MLLT1: variants seen among roughly 807,000 people sequenced by gnomAD.
MLLT1 encodes protein ENL.
A neutral mutation model predicts 55.1 loss-of-function variants in MLLT1; 11 were observed. The observed-to-expected ratio is 0.20, with a 90% CI of 0.13 to 0.33. The LOEUF (loss-of-function observed/expected upper bound fraction) is 0.33. Among genes scored for constraint, MLLT1 ranks in the 10% least tolerant of loss-of-function variants. MLLT1 has a pLI of 1.00. For synonymous variants in MLLT1, 323 were observed against 320.1 expected, an observed-to-expected ratio of 1.01 and a Z score of -0.10; for missense variants, 536 against 760.6, an observed-to-expected ratio of 0.70 and a Z score of 3.47.
intron 3 of MLLT1, among the ~76,000 whole-genome samples, chr19:6,261,672 G>C (rs953682076): frequency 2.7e-5 from 4 of 149,180 alleles, no homozygotes; most frequent in Non-Finnish European, 5.9e-5. Flanking sequence ...AAAAACTACA[G>C]ATGAAAGAAA....
chr19:6,214,484 T>A lies in MLLT1; in HGVS notation c.1308-446A>T, dbSNP rs546302658. On this transcript the variant is annotated intron_variant, in intron 8 of 11. Transcript: ENST00000252674. ...CTGGCCGCCTGACCCTGGTTTGCTC[T>A]GGACAGCAGGCCTCCATCAGTCACA... Among the ~76,000 whole-genome samples the A allele has an allele frequency of 2.8e-4, 42 of 152,318 alleles. 1 individual carries two copies. The South Asian group carries it at 4.8e-3, about 17-fold the overall frequency.
chr19:6,218,717 G>T (rs1336023905), intron 6 of MLLT1, among the ~76,000 whole-genome samples: 1 of 152,248 alleles, frequency 6.6e-6, no homozygotes, highest in Non-Finnish European at 1.5e-5. Context: ...CAGGACAGAG[G>T]GTGACAGTGC....
chr19:6,255,486 G>C (rs538286013), intron 3 of MLLT1, among the ~76,000 whole-genome samples: 1 of 152,148 alleles, frequency 6.6e-6, no homozygotes, highest in Non-Finnish European at 1.5e-5. Flanking sequence ...GACAGACTCT[G>C]TCTCAAAACA....
rs997845581 is a variant in MLLT1, at chr19:6,253,138, A to G, written c.276+9090T>C. On this transcript the variant is annotated intron_variant, in intron 3 of 11. Coordinates refer to ENST00000252674, the MANE Select transcript of MLLT1 (RefSeq NM_005934.4). Reference sequence around the variant, plus strand: ...AAAATTAGCCAGGTATGGTGGGCACACCCGTAGTCCCAGCTACTCGGGAGG... The same window carrying G: ...AAAATTAGCCAGGTATGGTGGGCACGCCCGTAGTCCCAGCTACTCGGGAGG... 1.3e-4 allele frequency among the ~76,000 whole-genome samples: 19 copies of G among 151,530 alleles called. 1 individual carries two copies. In the East Asian group the frequency reaches 3.7e-3, roughly 29 times the overall value.
In MLLT1 at chr19:6,213,421, G is replaced by T; in HGVS notation, c.1480-13C>A. On this transcript the variant is annotated splice_polypyrimidine_tract_variant and intron_variant, in intron 10 of 11. Coordinates refer to ENST00000252674, the MANE Select transcript of MLLT1 (RefSeq NM_005934.4). ...CATCCGTGTAGGCCTGGGGAGGGGG[G>T]GCAGGTCTCAGCAGCGTGTGGGGGC... 6.2e-7 allele frequency: 1 copy of T among 1,608,852 alleles called. No homozygotes were observed.
At chr19:6,259,876 A>G (rs1447279023) in intron 3 of MLLT1, 4 of 151,806 alleles carry the variant, frequency 2.6e-5, no homozygotes, top group Non-Finnish European at 5.9e-5. Flanking sequence ...CTGAGATTTG[A>G]AAAACCTGCT....
intron 1 of MLLT1, among the ~76,000 whole-genome samples, chr19:6,271,209 T>C (rs567063598): frequency 2.0e-5 from 3 of 152,206 alleles, no homozygotes; most frequent in South Asian, 4.2e-4. Context: ...CATCACTCTA[T>C]CATAGAGGAT....
chr19:6,263,769 G>A (rs563352678), intron 2 of MLLT1, among the ~76,000 whole-genome samples: 26 of 152,334 alleles, frequency 1.7e-4, no homozygotes, highest in Admixed American at 1.5e-3. Context: ...GAAGTCGGAC[G>A]AGGACACGAT....
At chr19:6,216,898 G>C in intron 7 of MLLT1, 1 of 218,426 alleles carries the variant, frequency 4.6e-6, no homozygotes, top group South Asian at 6.7e-5. Context: ...GCCTGGCTGG[G>C]AAGCTGGGCC....
At chr19:6,237,508 A>G (rs1568284009) in intron 3 of MLLT1, among the ~76,000 whole-genome samples, 1 of 151,870 alleles carries the variant, frequency 6.6e-6, no homozygotes, top group Non-Finnish European at 1.5e-5. Flanking sequence ...CTGTAATCCC[A>G]TCACTTTGGG....
chr19:6,279,822 TCGC>T lies in MLLT1; in HGVS notation c.-41_-39del, dbSNP rs898522554. On this transcript the variant is annotated 5_prime_UTR_variant, in exon 1 of 12. Transcript: ENST00000252674. Reference sequence around the variant, plus strand: ...GCCCCGCCCCCGGGCCCCGCGTCGCTCGCCGCCGCCGCCGCCGCCGCCGCCGCT... The same window carrying T: ...GCCCCGCCCCCGGGCCCCGCGTCGCTCGCCGCCGCCGCCGCCGCCGCCGCT... 8.4e-3 allele frequency: 1,243 copies of T among 148,132 alleles called. 11 individuals carry two copies. The highest frequency in any genetic ancestry group is 0.027 in the African/African-American group (1,071 of 39,624). 9.2% of individuals were successfully genotyped at this position (148,132 alleles called of 1,614,324 possible).
chr19:6,266,010 G>C (rs948354921), intron 2 of MLLT1, among the ~76,000 whole-genome samples: 6 of 152,178 alleles, frequency 3.9e-5, no homozygotes, highest in African/African-American at 1.2e-4. Context: ...GCCGGGCATG[G>C]TGGCTCACGC....
At chr19:6,253,634 GAGGGATTTATCCC>G (rs1380292302) in intron 3 of MLLT1, among the ~76,000 whole-genome samples, 1 of 152,064 alleles carries the variant, frequency 6.6e-6, no homozygotes, top group Non-Finnish European at 1.5e-5. Flanking sequence ...CCATAACCAA[GAGGGATTTATCCC>G]AGGAATGCAA....
intron 3 of MLLT1, among the ~76,000 whole-genome samples, chr19:6,250,979 A>G (rs1461345167): frequency 6.6e-6 from 1 of 152,226 alleles, no homozygotes; most frequent in Non-Finnish European, 1.5e-5. Flanking sequence ...AAAGAAGGAA[A>G]GAAGCGAGAC....
intron 5 of MLLT1, among the ~76,000 whole-genome samples, chr19:6,224,980 C>T (rs919687895): frequency 4.6e-5 from 7 of 152,182 alleles, no homozygotes; most frequent in African/African-American, 1.7e-4. Context: ...CCGAATTAGG[C>T]ACTAAATTTT....
At chr19:6,260,191 C>T (rs1235170307) in intron 3 of MLLT1, among the ~76,000 whole-genome samples, 1 of 152,032 alleles carries the variant, frequency 6.6e-6, no homozygotes, top group Non-Finnish European at 1.5e-5. Flanking sequence ...CCTCTCGACA[C>T]CCCCACACAG....
Position 6,262,648 on chromosome 19 carries a change from C to T in MLLT1, c.194-338G>A, listed in dbSNP as rs1425670941. ...GAGAAGGCTGCACAAGTTTGCCCGA[C>T]TCAGGTGGATGTCGGTAAGCGTGAC... On this transcript the variant is annotated intron_variant, in intron 2 of 11. Coordinates refer to ENST00000252674, the MANE Select transcript of MLLT1 (RefSeq NM_005934.4). The surrounding 1 kb of genome is among the most constrained non-coding windows in gnomAD (Gnocchi z 4.4). Among the ~76,000 whole-genome samples, 2 of 152,120 alleles carry T rather than the reference C, an allele frequency of 1.3e-5. No individual in the cohort carries two copies. The highest frequency in any genetic ancestry group is 1.3e-4 in the Admixed American group (2 of 15,278).
Position 6,212,145 on chromosome 19 carries a change from G to GC in MLLT1, c.*896dup. 1 of 1,066,586 alleles carries GC rather than the reference G, an allele frequency of 9.4e-7. No individual in the cohort carries two copies. Among genetic ancestry groups the GC allele is most frequent in the African/African-American group, 1.6e-5 (1 of 61,232 alleles). The allele number at this position is 1,066,586 out of a possible 1,614,324, so 66.1% of individuals were successfully genotyped here. A position where few individuals can be genotyped will look rare whatever the true frequency, so the allele number is the denominator to read the frequency against. On this transcript the variant is annotated 3_prime_UTR_variant, in exon 12 of 12. Coordinates refer to ENST00000252674, the MANE Select transcript of MLLT1 (RefSeq NM_005934.4). ...GAGGCCGAGCCCCAGGGCGGCTGAT[G>GC]CGAGTCTGTCCGCGGAGACTGTTGG...
Position 6,229,697 on chromosome 19 carries a change from G to A in MLLT1, c.420+873C>T, listed in dbSNP as rs911500588. Among the ~76,000 whole-genome samples the A allele has an allele frequency of 4.7e-5, 7 of 149,802 alleles. 1 individual carries two copies. The highest frequency in any genetic ancestry group is 1.5e-4 in the African/African-American group (6 of 40,542). Reference sequence around the variant, plus strand: ...CAACACACACACACGCCCCACACCCGTGACACCACACACCACACCCCTACA... The same window carrying A: ...CAACACACACACACGCCCCACACCCATGACACCACACACCACACCCCTACA... On this transcript the variant is annotated intron_variant, in intron 4 of 11. Coordinates refer to ENST00000252674, the MANE Select transcript of MLLT1 (RefSeq NM_005934.4). The surrounding 1 kb of genome is among the most constrained non-coding windows in gnomAD (Gnocchi z 5.2).
Sources: gnomAD v4.1 joint callset for allele counts (sites outside exome capture counted in the v4.1 genomes callset) on GRCh38, gnomAD v4.1.1 for gene constraint, Gnocchi (gnomAD v3.1) non-coding constraint, MANE v1.5 for transcripts, NCBI Gene and HGNC (gene_info 2026-07-23, HGNC 2026-07-21) for gene names.